IL1RN: variants seen among roughly 807,000 people sequenced by gnomAD.
IL1RN encodes interleukin-1 receptor antagonist protein.
In IL1RN, 10 loss-of-function variants were observed where a neutral mutation model predicts 13.7. The observed-to-expected ratio is 0.73, with a 90% confidence interval of 0.45 to 1.24. IL1RN has a LOEUF of 1.24. Among genes scored for constraint, IL1RN ranks in the 50% most tolerant of loss-of-function variants. The pLI is 0.00. For missense variants in IL1RN, 213 were observed against 222.1 expected (o/e 0.96, Z 0.26); for synonymous variants, 102 against 82.7 (o/e 1.23, Z -1.27).
intron 2 of IL1RN, among the ~76,000 whole-genome samples, chr2:113,122,280 A>T (rs1304471809): frequency 6.6e-6 from 1 of 152,150 alleles, no homozygotes; most frequent in Admixed American, 6.5e-5. Flanking sequence ...ATCAGTAAGG[A>T]TTGTTTTCTG....
At chr2:113,110,958 C>A (rs1333326404), upstream of IL1RN, among the ~76,000 whole-genome samples, 1 of 152,242 alleles carries the variant, frequency 6.6e-6, no homozygotes, top group East Asian at 1.9e-4. Context: ...ATACTTACTT[C>A]TGTCTCTCCA....
At chr2:113,131,838 G>A (rs1009319893) in intron 3 of IL1RN, among the ~76,000 whole-genome samples, 3 of 152,128 alleles carry the variant, frequency 2.0e-5, no homozygotes, top group African/African-American at 7.2e-5. Context: ...TGTCTCAGGG[G>A]CTTGCTGGAT....
chr2:113,132,806 A>G lies in IL1RN; in HGVS notation c.469A>G (p.Ser157Gly), dbSNP rs749310067. ...AGCGATGGAAGCTGACCAGCCCGTC[A>G]GCCTCACCAATATGCCTGACGAAGG... ...CTAMEADQPVSLTNMPDEGVM... is the reference protein window; with the variant it reads ...CTAMEADQPVGLTNMPDEGVM... Residue 157 changes from serine (S) to glycine (G), a missense_variant, in exon 4 of 4, where the codon AGC (serine) becomes GGC (glycine). Transcript: ENST00000409930. 6.2e-7 allele frequency: 1 copy of G among 1,614,250 alleles called. No individual in the cohort carries two copies.
intron 3 of IL1RN, 130 bp downstream of exon 3, chr2:113,131,287 T>G: frequency 1.4e-6 from 1 of 710,162 alleles, no homozygotes; most frequent in South Asian, 1.5e-5. Flanking sequence ...TGGAACATGC[T>G]GGGGTCACTT....
chr2:113,120,404 T>G (rs55831913), intron 2 of IL1RN, among the ~76,000 whole-genome samples: 15 of 152,276 alleles, frequency 9.9e-5, no homozygotes, highest in Non-Finnish European at 2.1e-4. Flanking sequence ...ATAAAATGGA[T>G]CACATCTCTG....
chr2:113,102,652 G>A (rs116560499), upstream of IL1RN, among the ~76,000 whole-genome samples: 3,159 of 152,218 alleles, frequency 0.021, 53 homozygotes, highest in African/African-American at 0.045. Context: ...ATGGGGTGGG[G>A]AGGTTTTATA....
At position 113,132,665 on chromosome 2, in the gene IL1RN, A is replaced by C. The variant is rs757992723; in HGVS notation, c.328A>C (p.Ile110Leu). Residue 110 changes from isoleucine to leucine, a missense_variant, in exon 4 of 4, where the codon ATC becomes CTC. Physicochemically the swap from Ile to Leu is conservative, Grantham distance 5 (BLOSUM62 2). Transcript: ENST00000409930. The part of the protein sequence containing the change: ...ETRLQLEAVN[I>L]TDLSENRKQD... ...ATCTTTTGATTTCCAGGCAGTTAAC[A>C]TCACTGACCTGAGCGAGAACAGAAA... is the stretch of plus-strand genomic sequence containing the variant. 33 of 1,613,996 alleles carry C rather than the reference A, an allele frequency of 2.0e-5. No homozygotes were observed. Among genetic ancestry groups the C allele is most frequent in the Non-Finnish European group, 2.7e-5 (32 of 1,179,974 alleles).
chr2:113,121,602 C>T lies in IL1RN; in HGVS notation c.73+1474C>T, dbSNP rs1051534815. ...AAAATCATCTTGGAAGGCTCTGAAC[C>T]TCAGAAAGGATTCACAGTAAGTTAA... On this transcript the variant is annotated intron_variant, in intron 2 of 5. Transcript: ENST00000259206. 1.0e-5 allele frequency: 10 copies of T among 985,298 alleles called. No homozygotes were observed. In the African/African-American group the frequency reaches 1.6e-4, roughly 15 times the overall value. The allele number at this position is 985,298 out of a possible 1,614,324, so 61.0% of individuals were successfully genotyped here.
chr2:113,109,178 C>T (rs1392508787), upstream of IL1RN, among the ~76,000 whole-genome samples: 1 of 151,788 alleles, frequency 6.6e-6, no homozygotes, highest in East Asian at 1.9e-4. Context: ...TTTGAGAGGC[C>T]AAGATGGGTG....
At chr2:113,121,057 TTCCTCC>T (rs199592921) in intron 2 of IL1RN, among the ~76,000 whole-genome samples, 22 of 123,538 alleles carry the variant, frequency 1.8e-4, no homozygotes, top group East Asian at 6.8e-4. Flanking sequence ...CTTCTTCTTC[TTCCTCC>T]TCCTCCTCCT....
chr2:113,128,037 A>G (rs928106597), intron 1 of IL1RN, among the ~76,000 whole-genome samples: 98 of 152,300 alleles, frequency 6.4e-4, no homozygotes, highest in African/African-American at 2.3e-3. Flanking sequence ...GCCTAGTTGA[A>G]TGTGCTGACA....
chr2:113,101,415 A>G, the IL1RN span, among the ~76,000 whole-genome samples: 1 of 152,228 alleles, frequency 6.6e-6, no homozygotes, highest in African/African-American at 2.4e-5. Flanking sequence ...TAATCTTTTT[A>G]AAAACTTGGG....
upstream of IL1RN, among the ~76,000 whole-genome samples, chr2:113,125,111 T>G (rs192444290): frequency 7.5e-4 from 114 of 152,302 alleles, no homozygotes; most frequent in African/African-American, 2.7e-3. Context: ...GTTGAGAGAA[T>G]TATGGTCTTC....
chr2:113,131,084 T>A lies in IL1RN; in HGVS notation c.245T>A (p.Phe82Tyr), dbSNP rs1553469985. The A allele has an allele frequency of 6.2e-7, 1 of 1,613,874 alleles. No individual in the cohort carries two copies. ...GTACCCATTGAGCCTCATGCTCTGT[T>A]CTTGGGAATCCATGGAGGGAAGATG... Reference protein sequence around the residue: ...DVVPIEPHALFLGIHGGKMCL... With the variant: ...DVVPIEPHALYLGIHGGKMCL... Residue 82 changes from phenylalanine (F) to tyrosine (Y), a missense_variant, in exon 3 of 4, where the codon TTC becomes TAC. Physicochemically the swap from Phe to Tyr is conservative, Grantham distance 22 (BLOSUM62 3). Coordinates refer to ENST00000409930, the MANE Select transcript of IL1RN (RefSeq NM_173842.3).
At chr2:113,099,600 G>A in the IL1RN span, among the ~76,000 whole-genome samples, 36 of 152,184 alleles carry the variant, frequency 2.4e-4, no homozygotes, top group African/African-American at 8.7e-4. Flanking sequence ...GTATGTTCCT[G>A]TGGAAGTTCT....
chr2:113,130,153 C>T (rs1004954992), intron 2 of IL1RN: 1 of 177,244 alleles, frequency 5.6e-6, no homozygotes, highest in African/African-American at 2.3e-5. Flanking sequence ...CTCAGCTTTC[C>T]CTTCAGTGGG....
chr2:113,123,806 T>C (rs1686862152), upstream of IL1RN, among the ~76,000 whole-genome samples: 1 of 152,172 alleles, frequency 6.6e-6, no homozygotes, highest in African/African-American at 2.4e-5. Flanking sequence ...TATACTCAGA[T>C]TTAAAACATA....
chr2:113,127,917 C>T (rs550034022), intron 1 of IL1RN, among the ~76,000 whole-genome samples, 177 bp downstream of exon 1: 17 of 152,350 alleles, frequency 1.1e-4, no homozygotes, highest in Admixed American at 3.3e-4. Flanking sequence ...ACTTGTGTTT[C>T]AAAATATCCC....
chr2:113,109,411 T>TA (rs35727625), upstream of IL1RN, among the ~76,000 whole-genome samples: 573 of 133,104 alleles, frequency 4.3e-3, 4 homozygotes, highest in East Asian at 0.013. Flanking sequence ...AAACGCCATC[T>TA]AAAAAAAAAA....
Sources: allele counts gnomAD v4.1 joint callset (sites outside exome capture counted in the v4.1 genomes callset), GRCh38; gene constraint gnomAD v4.1.1; transcripts MANE v1.5; gene names NCBI Gene and HGNC (gene_info 2026-07-23, HGNC 2026-07-21).